The following CSTPP1 variants were observed in gnomAD, a reference collection of about 807,000 sequenced individuals.
CSTPP1 encodes the protein UPF0705 protein C11orf49.
the CSTPP1 span, among the ~76,000 whole-genome samples, chr11:47,162,753 C>G: frequency 9.2e-5 from 14 of 152,176 alleles, no homozygotes; most frequent in African/African-American, 2.9e-4. Context: ...AACAGGACTG[C>G]CTCCTCTGAA....
chr11:47,107,406 G>C, the CSTPP1 span, among the ~76,000 whole-genome samples: 1 of 152,092 alleles, frequency 6.6e-6, no homozygotes, highest in Admixed American at 6.6e-5. Flanking sequence ...TTAGAAACAG[G>C]ATCTTTTGTT....
the CSTPP1 span, among the ~76,000 whole-genome samples, chr11:47,138,979 CAAAAAAAAAAAAAAAAAAA>C: frequency 4.4e-4 from 18 of 40,878 alleles, no homozygotes; most frequent in African/African-American, 1.6e-3. Context: ...GACTCCGTCT[CAAAAAAAAAAAAAAAAAAA>C]AAAAAAAAAA....
the CSTPP1 span, among the ~76,000 whole-genome samples, chr11:47,044,277 G>A: frequency 2.6e-5 from 4 of 152,002 alleles, no homozygotes; most frequent in Admixed American, 2.0e-4. Flanking sequence ...GTGAGCCACC[G>A]CTCCTGGACA....
the CSTPP1 span, among the ~76,000 whole-genome samples, chr11:46,986,782 A>T: frequency 1.1e-4 from 16 of 152,234 alleles, no homozygotes; most frequent in African/African-American, 3.6e-4. Flanking sequence ...TTTTCTTTAC[A>T]ATCATACCAT....
the CSTPP1 span, among the ~76,000 whole-genome samples, chr11:47,091,451 C>T: frequency 4.6e-5 from 7 of 152,132 alleles, no homozygotes; most frequent in African/African-American, 1.4e-4. Context: ...AGTCTGAGTA[C>T]CTCCATCCAG....
chr11:47,094,780 A>G, the CSTPP1 span, among the ~76,000 whole-genome samples: 4 of 152,222 alleles, frequency 2.6e-5, no homozygotes, highest in African/African-American at 7.2e-5. Flanking sequence ...ATCATCACAG[A>G]AAGTTCTGTT....
the CSTPP1 span, among the ~76,000 whole-genome samples, chr11:46,958,406 A>G: frequency 2.0e-5 from 3 of 152,220 alleles, no homozygotes; most frequent in Non-Finnish European, 4.4e-5. Flanking sequence ...TGTTATTGGT[A>G]ACGCTGTCAG....
At chr11:46,999,344 G>A in the CSTPP1 span, among the ~76,000 whole-genome samples, 1 of 152,006 alleles carries the variant, frequency 6.6e-6, no homozygotes, top group Admixed American at 6.6e-5. Context: ...GTTTTATAGA[G>A]GAGGAAGTGG....
At chr11:47,064,262 A>T in the CSTPP1 span, among the ~76,000 whole-genome samples, 5 of 151,858 alleles carry the variant, frequency 3.3e-5, no homozygotes, top group Non-Finnish European at 7.4e-5. Flanking sequence ...TCTGTTCTGT[A>T]GGTCATCTTT....
At chr11:47,124,797 AT>A in the CSTPP1 span, among the ~76,000 whole-genome samples, 1 of 151,786 alleles carries the variant, frequency 6.6e-6, no homozygotes, top group Non-Finnish European at 1.5e-5. Context: ...GATATTTTTC[AT>A]TTTTTTTCTT....
At chr11:47,008,738 G>T in the CSTPP1 span, among the ~76,000 whole-genome samples, 2 of 151,982 alleles carry the variant, frequency 1.3e-5, no homozygotes, top group African/African-American at 2.4e-5. Flanking sequence ...CCAGTTAGAG[G>T]TTAGTAAAAA....
chr11:46,955,860 G>A, the CSTPP1 span, among the ~76,000 whole-genome samples: 1 of 151,818 alleles, frequency 6.6e-6, no homozygotes, highest in Non-Finnish European at 1.5e-5. Context: ...GGCGCGGCGG[G>A]TGCCTGAAAT....
the CSTPP1 span, among the ~76,000 whole-genome samples, chr11:46,963,515 T>C: frequency 6.6e-6 from 1 of 151,906 alleles, no homozygotes; most frequent in Non-Finnish European, 1.5e-5. Context: ...AAAGAGATTT[T>C]AAAAAAGATA....
At chr11:47,132,784 T>G in the CSTPP1 span, among the ~76,000 whole-genome samples, 1 of 152,198 alleles carries the variant, frequency 6.6e-6, no homozygotes, top group Non-Finnish European at 1.5e-5. Context: ...ACATCAGAAG[T>G]CCTTCACAAA....
chr11:47,155,454 A>G, the CSTPP1 span: 2 of 615,398 alleles, frequency 3.2e-6, no homozygotes, highest in African/African-American at 1.8e-5. Context: ...TGCAGAGCCG[A>G]CTTCCTCAGC....
chr11:46,973,978 G>A, the CSTPP1 span, among the ~76,000 whole-genome samples: 1 of 152,012 alleles, frequency 6.6e-6, no homozygotes, highest in Non-Finnish European at 1.5e-5. Context: ...TAATCCCAGT[G>A]CTTTGGGAAA....
the CSTPP1 span, among the ~76,000 whole-genome samples, chr11:47,075,202 T>C: frequency 2.0e-5 from 3 of 152,082 alleles, no homozygotes; most frequent in African/African-American, 7.2e-5. Flanking sequence ...TGAAACCCCA[T>C]ATCTACTAAA....
At chr11:47,072,970 TC>T in the CSTPP1 span, among the ~76,000 whole-genome samples, 4 of 152,306 alleles carry the variant, frequency 2.6e-5, no homozygotes, top group Non-Finnish European at 4.4e-5. Flanking sequence ...AAATTATGTA[TC>T]TTTATGTCTT....
chr11:47,019,619 C>G, the CSTPP1 span, among the ~76,000 whole-genome samples: 1 of 152,120 alleles, frequency 6.6e-6, no homozygotes. Context: ...AACATAACGA[C>G]ATTTATTGAT....
Sources: gnomAD v4.1 joint callset for allele counts (sites outside exome capture counted in the v4.1 genomes callset) on GRCh38, gnomAD v4.1.1 for gene constraint, MANE v1.5 for transcripts, NCBI Gene and HGNC (gene_info 2026-07-23, HGNC 2026-07-21) for gene names.